ALK: variants seen among roughly 807,000 people sequenced by gnomAD.
ALK encodes ALK receptor tyrosine kinase, also known as ALK tyrosine kinase receptor.
A neutral mutation model predicts 163.1 loss-of-function variants in ALK; 74 were observed. The ratio of observed to expected loss-of-function variants is 0.45; its 90% CI spans 0.38 to 0.55. ALK has a LOEUF of 0.55. Among genes scored for constraint, ALK ranks in the 20% least tolerant of loss-of-function variants. The pLI is 0.00. For missense variants in ALK, 2,063 were observed against 2,105.3 expected, an observed-to-expected ratio of 0.98 and a Z score of 0.39; for synonymous variants, 960 against 843.2, an observed-to-expected ratio of 1.14 and a Z score of -2.40.
chr2:29,333,305 G>A (rs577313036), intron 5 of ALK, among the ~76,000 whole-genome samples: 6 of 152,114 alleles, frequency 3.9e-5, no homozygotes, highest in South Asian at 2.1e-4. Context: ...TAGTAGAGAC[G>A]AGGTTTCGCC....
chr2:29,391,314 G>GT (rs1226257847), intron 4 of ALK, among the ~76,000 whole-genome samples: 1 of 104,896 alleles, frequency 9.5e-6, no homozygotes, highest in Admixed American at 9.8e-5. Flanking sequence ...TTGGGGGGGG[G>GT]GTGGTGGTGT....
At chr2:29,398,081 C>A (rs1669353503) in intron 4 of ALK, among the ~76,000 whole-genome samples, 1 of 152,110 alleles carries the variant, frequency 6.6e-6, no homozygotes, top group Admixed American at 6.5e-5. Flanking sequence ...TGACCTGGAA[C>A]TTTTAAGGGA....
chr2:29,644,741 C>G (rs1676824415), intron 3 of ALK, among the ~76,000 whole-genome samples: 1 of 151,938 alleles, frequency 6.6e-6, no homozygotes, highest in Admixed American at 6.6e-5. Flanking sequence ...ACAAAAAGCT[C>G]AACCTTTACT....
intron 4 of ALK, among the ~76,000 whole-genome samples, chr2:29,440,871 G>A (rs1011241916): frequency 1.1e-4 from 17 of 152,294 alleles, no homozygotes; most frequent in African/African-American, 4.1e-4. Flanking sequence ...AATTATCATA[G>A]AGAACTCACA....
At chr2:29,461,619 T>C (rs1671085954) in intron 4 of ALK, among the ~76,000 whole-genome samples, 1 of 152,188 alleles carries the variant, frequency 6.6e-6, no homozygotes, top group Non-Finnish European at 1.5e-5. Context: ...AGTCCACTGT[T>C]CAGACCTATT....
chr2:29,610,236 G>T (rs548732700), intron 3 of ALK, among the ~76,000 whole-genome samples: 2 of 152,088 alleles, frequency 1.3e-5, no homozygotes, highest in Non-Finnish European at 2.9e-5. Flanking sequence ...CATTACCAGC[G>T]TATGGATGGG....
At chr2:29,888,258 TTTTA>T (rs1192773633) in intron 1 of ALK, among the ~76,000 whole-genome samples, 1 of 147,016 alleles carries the variant, frequency 6.8e-6, no homozygotes, top group Non-Finnish European at 1.5e-5. Flanking sequence ...TTTTTTTTTT[TTTTA>T]AAAAAAGGGA....
chr2:29,218,347 G>A (rs993986172), intron 23 of ALK, among the ~76,000 whole-genome samples: 11 of 152,188 alleles, frequency 7.2e-5, no homozygotes, highest in East Asian at 3.8e-4. Context: ...CCCCCTCCCC[G>A]TTCTGGGGGT....
intron 1 of ALK, among the ~76,000 whole-genome samples, chr2:29,860,519 T>C (rs1037135414): frequency 1.3e-5 from 2 of 152,122 alleles, no homozygotes; most frequent in African/African-American, 4.8e-5. Flanking sequence ...ACTAAGACTT[T>C]AGACCAAATG....
At chr2:29,328,133 T>G (rs572151048) in intron 6 of ALK, among the ~76,000 whole-genome samples, 1 of 152,276 alleles carries the variant, frequency 6.6e-6, no homozygotes, top group South Asian at 2.1e-4. Flanking sequence ...AAGATCTTGT[T>G]TGGTTCTTGA....
At chr2:29,819,315 A>G (rs56400726) in intron 1 of ALK, among the ~76,000 whole-genome samples, 45,504 of 152,158 alleles carry the variant, frequency 0.3, 8,091 homozygotes, top group East Asian at 0.47. Context: ...TGCAGTCACT[A>G]CTGCCTAGGT....
chr2:29,373,865 T>C lies in ALK; in HGVS notation c.1282+9867A>G, dbSNP rs555553921. Among the ~76,000 whole-genome samples, 4 of 152,308 alleles carry C rather than the reference T, an allele frequency of 2.6e-5. No individual in the cohort carries two copies. The East Asian group carries it at 7.7e-4, about 29-fold the overall frequency. ...CCTCTACAGAATTAAGCAGGATTAC[T>C]CCTTTGTGTGGCACAAAGGACTCTG... On this transcript the variant is annotated intron_variant, in intron 5 of 28. Coordinates refer to ENST00000389048, the MANE Select transcript of ALK (RefSeq NM_004304.5).
chr2:29,798,075 G>T (rs1051935440), intron 1 of ALK, among the ~76,000 whole-genome samples: 2 of 152,246 alleles, frequency 1.3e-5, no homozygotes, highest in African/African-American at 4.8e-5. Flanking sequence ...CATCAACTAC[G>T]ATCCCAGAGG....
At chr2:29,732,580 G>A (rs1205299952) in intron 1 of ALK, among the ~76,000 whole-genome samples, 1 of 152,190 alleles carries the variant, frequency 6.6e-6, no homozygotes, top group Non-Finnish European at 1.5e-5. Flanking sequence ...GAGAACTGTG[G>A]ACTAAATGTT....
chr2:29,486,892 A>G (rs1204401736), intron 4 of ALK, among the ~76,000 whole-genome samples: 1 of 152,216 alleles, frequency 6.6e-6, no homozygotes, highest in African/African-American at 2.4e-5. Flanking sequence ...GCTTAATTTA[A>G]TTTTAATTTA....
Position 29,920,436 on chromosome 2 carries a change from G to A in ALK, c.224C>T (p.Pro75Leu), listed in dbSNP as rs1667963680. The A allele has an allele frequency of 1.2e-6, 2 of 1,607,484 alleles. No individual in the cohort carries two copies. The highest frequency in any genetic ancestry group is 1.7e-6 in the Non-Finnish European group (2 of 1,177,426). Residue 75 changes from proline to leucine, a missense_variant, in exon 1 of 29, where the codon CCA (proline) becomes CTA (leucine). By Grantham distance (98) the Pro-to-Leu change is moderately conservative. This residue lies in a region of ALK where 987 missense variants were observed against 939.5 expected (regional missense o/e 1.05). Coordinates refer to ENST00000389048, the MANE Select transcript of ALK (RefSeq NM_004304.5). ...RVYARDLLLP[P>L]SSSELKAGRP... ...GCCAGCCTTCAGCTCCGAGGAGGAT[G>A]GTGGCAGCAGTAGGTCCCGGGCGTA...
chr2:29,755,321 C>T (rs1023941819), intron 1 of ALK, among the ~76,000 whole-genome samples: 1 of 152,184 alleles, frequency 6.6e-6, no homozygotes, highest in African/African-American at 2.4e-5. Flanking sequence ...AATGACTTTG[C>T]CAGGAAGCTC....
intron 1 of ALK, among the ~76,000 whole-genome samples, chr2:29,732,617 G>A (rs1390149769): frequency 1.3e-5 from 2 of 152,168 alleles, no homozygotes; most frequent in Non-Finnish European, 1.5e-5. Context: ...TTCACATGTC[G>A]AAACCCACTC....
intron 4 of ALK, among the ~76,000 whole-genome samples, chr2:29,402,391 G>T (rs1416046241): frequency 2.6e-5 from 4 of 152,230 alleles, no homozygotes; most frequent in Non-Finnish European, 5.9e-5. Context: ...TCCAGAGGAA[G>T]AATACCCGAG....
Sources: allele counts gnomAD v4.1 joint callset (sites outside exome capture counted in the v4.1 genomes callset), GRCh38; gene constraint gnomAD v4.1.1; regional missense constraint gnomAD v4.1.1; transcripts MANE v1.5; gene names NCBI Gene and HGNC (gene_info 2026-07-23, HGNC 2026-07-21).